Variants in RBPJ observed in about 807,000 individuals in gnomAD.
RBPJ encodes the protein recombining binding protein suppressor of hairless.
RBPJ carries 9 observed loss-of-function variants against 67.8 expected under a neutral mutation model. The observed-to-expected ratio is 0.13, with a 90% CI of 0.08 to 0.23. The LOEUF is 0.23. RBPJ is among the 10% of genes least tolerant of loss of function. The pLI, the probability that RBPJ is intolerant of heterozygous loss-of-function variation, is 1.00. For synonymous variants in RBPJ, 198 were observed against 203.3 expected, an observed-to-expected ratio of 0.97 and a Z score of 0.22; for missense variants, 305 against 595.6, an observed-to-expected ratio of 0.51 and a Z score of 5.08.
At chr4:26,286,919 T>A (rs1191048813) in intron 1 of RBPJ, among the ~76,000 whole-genome samples, 1 of 151,944 alleles carries the variant, frequency 6.6e-6, no homozygotes, top group Non-Finnish European at 1.5e-5. Flanking sequence ...CCCAAGTAGC[T>A]GGGATCACGG....
At chr4:26,388,298 C>G (rs1731126382) in intron 2 of RBPJ, among the ~76,000 whole-genome samples, 1 of 152,060 alleles carries the variant, frequency 6.6e-6, no homozygotes, top group African/African-American at 2.4e-5. Flanking sequence ...CGGTGCCCAG[C>G]CTAAAACAGT....
intron 1 of RBPJ, among the ~76,000 whole-genome samples, chr4:26,247,275 A>C (rs1260569360): frequency 6.6e-6 from 1 of 152,056 alleles, no homozygotes; most frequent in Non-Finnish European, 1.5e-5. Flanking sequence ...ATTTTATTTT[A>C]ATGATAATTT....
rs140436709 is a variant in RBPJ, at chr4:26,314,249, T to A, written c.-166-48197T>A. Reference sequence around the variant, plus strand: ...ATACTCTTTCATTCTATGTATAATTTAAAAAAAAAGACATCTCTTGATGTT... The same window carrying A: ...ATACTCTTTCATTCTATGTATAATTAAAAAAAAAAGACATCTCTTGATGTT... On this transcript the variant is annotated intron_variant, in intron 1 of 4. Coordinates refer to the RBPJ transcript ENST00000512351. Among the ~76,000 whole-genome samples the A allele has an allele frequency of 5.2e-3, 787 of 151,492 alleles. 11 individuals carry two copies. The highest frequency in any genetic ancestry group is 0.018 in the African/African-American group (748 of 41,324).
chr4:26,134,329 C>A, the RBPJ span, among the ~76,000 whole-genome samples: 2 of 152,130 alleles, frequency 1.3e-5, no homozygotes, highest in Non-Finnish European at 2.9e-5. Context: ...TGACCTGAGA[C>A]ATAATTTGCA....
At chr4:26,111,566 G>A in the RBPJ span, among the ~76,000 whole-genome samples, 1 of 152,152 alleles carries the variant, frequency 6.6e-6, no homozygotes, top group Non-Finnish European at 1.5e-5. Flanking sequence ...TCTACGATAT[G>A]CATGTGCATC....
chr4:26,328,148 A>C (rs1453554561), intron 1 of RBPJ, among the ~76,000 whole-genome samples: 1 of 151,730 alleles, frequency 6.6e-6, no homozygotes, highest in Non-Finnish European at 1.5e-5. Context: ...TTTTTCATGC[A>C]AAAAATTACC....
chr4:26,412,351 C>T (rs564959494), intron 3 of RBPJ, among the ~76,000 whole-genome samples: 1 of 152,040 alleles, frequency 6.6e-6, no homozygotes, highest in African/African-American at 2.4e-5. Context: ...CATGCCTCAG[C>T]CTCCTGAGTA....
chr4:26,184,018 A>T (rs975633536), intron 1 of RBPJ, among the ~76,000 whole-genome samples: 1 of 151,644 alleles, frequency 6.6e-6, no homozygotes. Context: ...TCTCAAAAAA[A>T]CAAAATAAAA....
intron 5 of RBPJ, among the ~76,000 whole-genome samples, chr4:26,422,067 A>G (rs1162641903): frequency 6.6e-6 from 1 of 152,090 alleles, no homozygotes; most frequent in African/African-American, 2.4e-5. Context: ...GTGGAATTCC[A>G]TATTCTGGGT....
intron 1 of RBPJ, among the ~76,000 whole-genome samples, chr4:26,214,002 C>T (rs1035314580): frequency 6.6e-6 from 1 of 151,958 alleles, no homozygotes; most frequent in African/African-American, 2.4e-5. Flanking sequence ...TATCACTTAG[C>T]AACATGGAAG....
At chr4:26,296,266 T>A (rs1721870815) in intron 1 of RBPJ, among the ~76,000 whole-genome samples, 1 of 152,190 alleles carries the variant, frequency 6.6e-6, no homozygotes, top group Non-Finnish European at 1.5e-5. Context: ...GTTAGTCACA[T>A]CCCTACCTAC....
chr4:26,199,481 A>C (rs1263915055), intron 1 of RBPJ, among the ~76,000 whole-genome samples: 1 of 152,208 alleles, frequency 6.6e-6, no homozygotes, highest in Non-Finnish European at 1.5e-5. Context: ...CACACATGTC[A>C]GAAACACAAA....
intron 1 of RBPJ, among the ~76,000 whole-genome samples, chr4:26,244,373 G>GTGTATATGTA (rs1719825723): frequency 9.7e-6 from 1 of 103,324 alleles, no homozygotes; most frequent in Non-Finnish European, 2.1e-5. Context: ...GCACATATGT[G>GTGTATATGTA]TACACGTGTG....
At chr4:26,171,966 T>C (rs1716604660) in intron 1 of RBPJ, among the ~76,000 whole-genome samples, 1 of 152,182 alleles carries the variant, frequency 6.6e-6, no homozygotes. Flanking sequence ...ATCCGGTAAG[T>C]GGGAAATACT....
At chr4:26,226,113 C>G (rs1442529027) in intron 1 of RBPJ, among the ~76,000 whole-genome samples, 1 of 147,886 alleles carries the variant, frequency 6.8e-6, no homozygotes, top group Non-Finnish European at 1.5e-5. Flanking sequence ...CATGCAATTG[C>G]ACTCCAGCCT....
intron 1 of RBPJ, among the ~76,000 whole-genome samples, chr4:26,259,454 T>C (rs1720456272): frequency 6.6e-6 from 1 of 152,202 alleles, no homozygotes; most frequent in African/African-American, 2.4e-5. Context: ...CTGGACCACT[T>C]CCATCTCTTG....
chr4:26,332,690 A>G (rs1724384238), intron 1 of RBPJ, among the ~76,000 whole-genome samples: 1 of 152,158 alleles, frequency 6.6e-6, no homozygotes, highest in South Asian at 2.1e-4. Flanking sequence ...TCGCTTTGCT[A>G]CCCAGACTGG....
In RBPJ at chr4:26,251,810, T is replaced by C. The variant is rs189113326; in HGVS notation, c.-167+88196T>C. On this transcript the variant is annotated intron_variant, in intron 1 of 4. Coordinates refer to the RBPJ transcript ENST00000512351. ...TTGCAGTGAGCCAAGATTGTGCCGT[T>C]GCCCTCCAGCCTGGGTGACAGAGCG... Among the ~76,000 whole-genome samples, 14 of 135,414 alleles carry C rather than the reference T, an allele frequency of 1.0e-4. No homozygotes were observed. The Admixed American group carries it at 1.2e-3, about 11-fold the overall frequency. 88.8% of individuals were successfully genotyped at this position (135,414 alleles called of 152,430 possible).
At chr4:26,320,966 G>A, upstream of RBPJ, 4 of 1,522,448 alleles carry the variant, frequency 2.6e-6, no homozygotes, top group South Asian at 4.5e-5. Flanking sequence ...GGGGGAGAGG[G>A]ACCAGGGAAG....
Sources: gnomAD v4.1 joint callset for allele counts (sites outside exome capture counted in the v4.1 genomes callset) on GRCh38, gnomAD v4.1.1 for gene constraint, MANE v1.5 for transcripts, NCBI Gene and HGNC (gene_info 2026-07-23, HGNC 2026-07-21) for gene names.